PHC3: variants seen among roughly 807,000 people sequenced by gnomAD.
The protein encoded by PHC3 is polyhomeotic homolog 3, also known as polyhomeotic-like protein 3.
Under a neutral mutation model 107.4 loss-of-function variants are expected in PHC3, and 13 were observed. That is an observed-to-expected ratio of 0.12 (90% CI 0.08 to 0.19). The LOEUF (loss-of-function observed/expected upper bound fraction) is 0.19, where lower values mean the gene tolerates loss of function less well. Ranked by LOEUF, PHC3 falls within the 10% of genes least tolerant of loss-of-function variation. The probability of loss-of-function intolerance (pLI) is 1.00; values close to 1 mark genes in which losing one functional copy is unlikely to be tolerated. For synonymous variants in PHC3, 456 were observed against 427.4 expected, an observed-to-expected ratio of 1.07 and a Z score of -0.83; for missense variants, 992 against 1,210.9, an observed-to-expected ratio of 0.82 and a Z score of 2.68.
intron 1 of PHC3, among the ~76,000 whole-genome samples, chr3:170,179,860 T>A (rs1295084403): frequency 1.3e-5 from 2 of 152,226 alleles, no homozygotes; most frequent in African/African-American, 4.8e-5. Context: ...GCCAGAAATG[T>A]ACCTCGAAGG....
intron 8 of PHC3, 91 bp downstream of exon 8, chr3:170,128,593 G>A: frequency 7.0e-7 from 1 of 1,422,756 alleles, no homozygotes; most frequent in Admixed American, 2.7e-5. Flanking sequence ...TAGTTCACAG[G>A]CATTTAGATC....
intron 4 of PHC3, 144 bp downstream of exon 4, chr3:170,171,229 T>G: frequency 1.6e-6 from 1 of 616,914 alleles, no homozygotes; most frequent in South Asian, 2.3e-5. Flanking sequence ...TTCTTGAATT[T>G]TATCATTTCT....
chr3:170,116,983 T>C (rs541249290), intron 10 of PHC3: 12 of 486,750 alleles, frequency 2.5e-5, no homozygotes, highest in African/African-American at 2.1e-4. Context: ...CTCTAAAAAT[T>C]ATAAAAATAT....
At chr3:170,146,086 A>C (rs1337282163) in intron 5 of PHC3, among the ~76,000 whole-genome samples, 1 of 152,222 alleles carries the variant, frequency 6.6e-6, no homozygotes, top group Non-Finnish European at 1.5e-5. Flanking sequence ...AGAAATATTC[A>C]TTCTATGGCC....
chr3:170,169,549 T>A (rs1243928087), intron 4 of PHC3, among the ~76,000 whole-genome samples: 1 of 152,222 alleles, frequency 6.6e-6, no homozygotes, highest in East Asian at 1.9e-4. Context: ...TGGGAATCTG[T>A]TCTTCCTACT....
rs150242411 is a variant in PHC3 at position 170,117,479 on chromosome 3, G to GA, written c.1943-4dup. The stretch of plus-strand genomic sequence containing the variant: ...CACAGCAGGTAATTCCACTTGCTCT[G>GA]AAAAAAAAACCAAAAAGTCATTTAA... On this transcript the variant is annotated splice_polypyrimidine_tract_variant and splice_region_variant and intron_variant, in intron 9 of 14. Coordinates refer to ENST00000495893, the MANE Select transcript of PHC3 (RefSeq NM_024947.4). 18,254 of 1,545,552 alleles carry GA rather than the reference G, an allele frequency of 0.012. 331 individuals are homozygous for GA. The East Asian group carries it at 0.12, about 10-fold the overall frequency.
chr3:170,143,613 T>G (rs1050223209), intron 6 of PHC3, among the ~76,000 whole-genome samples: 1 of 152,220 alleles, frequency 6.6e-6, no homozygotes, highest in Non-Finnish European at 1.5e-5. Context: ...TTATGAAGAA[T>G]ACCAGAATAC....
At chr3:170,126,525 TA>T (rs1463230103) in intron 8 of PHC3, among the ~76,000 whole-genome samples, 7,429 of 77,324 alleles carry the variant, frequency 0.096, 243 homozygotes, top group African/African-American at 0.15. Context: ...TATATATATA[TA>T]TATTTTTTTT....
chr3:170,098,610 A>C (rs1714965270), intron 14 of PHC3, among the ~76,000 whole-genome samples: 1 of 151,984 alleles, frequency 6.6e-6, no homozygotes, highest in African/African-American at 2.4e-5. Flanking sequence ...GTGAATACAC[A>C]ATAAACAAAA....
chr3:170,122,563 A>G (rs1411442356), intron 9 of PHC3, 28 bp downstream of exon 9: 1 of 1,609,182 alleles, frequency 6.2e-7, no homozygotes, highest in East Asian at 2.2e-5. Flanking sequence ...AAATAGAAAA[A>G]TTCCCACAAA....
rs1160594916 is a variant in PHC3, at chr3:170,136,554, T to C, written c.784A>G (p.Thr262Ala). 3.1e-6 allele frequency: 5 copies of C among 1,613,436 alleles called. No individual in the cohort carries two copies. The South Asian group carries it at 5.5e-5, about 18-fold the overall frequency. Residue 262 changes from threonine (T) to alanine (A), a missense_variant, in exon 7 of 15, where the codon ACA becomes GCA. By Grantham distance (58) the Thr-to-Ala change is moderately conservative. Coordinates refer to ENST00000495893, the MANE Select transcript of PHC3 (RefSeq NM_024947.4). The stretch of plus-strand genomic sequence containing the variant: ...CTGATTTTAGAACTGGTCACTGTTG[T>C]TTTGTTATGACAAATTGTCAATGAC... The part of the protein sequence containing the change: ...TQSLTICHNK[T>A]TVTSSKISQR...
At chr3:170,098,800 C>T (rs905562031) in intron 14 of PHC3, among the ~76,000 whole-genome samples, 4 of 152,092 alleles carry the variant, frequency 2.6e-5, no homozygotes, top group African/African-American at 9.7e-5. Context: ...ATTTCTCAGA[C>T]TTTGAAAAAT....
intron 8 of PHC3, chr3:170,128,448 A>G: frequency 8.0e-7 from 1 of 1,244,756 alleles, no homozygotes; most frequent in Non-Finnish European, 1.1e-6. Flanking sequence ...ATAGTAATAA[A>G]ATTAACGAGG....
chr3:170,149,601 T>C (rs1028920582), intron 4 of PHC3, among the ~76,000 whole-genome samples: 4 of 152,194 alleles, frequency 2.6e-5, no homozygotes, highest in East Asian at 1.9e-4. Context: ...ATTACAGGCA[T>C]ACGCCACCAC....
At chr3:170,108,596 A>C (rs139743294) in intron 11 of PHC3, among the ~76,000 whole-genome samples, 2 of 152,280 alleles carry the variant, frequency 1.3e-5, no homozygotes, top group Non-Finnish European at 2.9e-5. Context: ...CCTTCCAATG[A>C]CCTTCCAACG....
chr3:170,112,439 G>T (rs189647646), intron 11 of PHC3, among the ~76,000 whole-genome samples: 1,813 of 150,710 alleles, frequency 0.012, 39 homozygotes, highest in African/African-American at 0.042. Flanking sequence ...TGGCCAGGAT[G>T]GTCTTGATCT....
intron 5 of PHC3, 130 bp from the exon 6 acceptor site, chr3:170,145,651 A>G: frequency 1.9e-6 from 1 of 512,884 alleles, no homozygotes; most frequent in East Asian, 3.1e-5. Flanking sequence ...CTCCTCAGCA[A>G]AAGGTTCTAC....
rs777912781 is a variant in PHC3, at chr3:170,113,513, G to C, written c.2200C>G (p.Arg734Gly). The C allele has an allele frequency of 1.3e-6, 2 of 1,590,936 alleles. No individual in the cohort carries two copies. The highest frequency in any genetic ancestry group is 1.7e-6 in the Non-Finnish European group (2 of 1,172,408). The change falls in exon 11 of 15, where the codon CGT (arginine) becomes GGT (glycine). Residue 734 changes from arginine (R) to glycine (G), a missense_variant. Around this residue, in one of 6 missense-constraint regions of PHC3, gnomAD observed 228 missense variants for 288.8 expected, o/e 0.79. Transcript: ENST00000495893. ...QEGLEPFPVS[R>G]SSLLIEQPVK... is the part of the protein sequence containing the mutation. ...GGCTGTTCTATTAGCAAAGAGGAAC[G>C]ACTCACCTTTAAAAAAGGAGAAATA...
chr3:170,127,821 A>C (rs1288047411), intron 8 of PHC3, among the ~76,000 whole-genome samples: 1 of 152,152 alleles, frequency 6.6e-6, no homozygotes, highest in African/African-American at 2.4e-5. Flanking sequence ...CAGTTTTATA[A>C]ATCTTAAAAT....
Sources: allele counts gnomAD v4.1 joint callset (sites outside exome capture counted in the v4.1 genomes callset), GRCh38; gene constraint gnomAD v4.1.1; regional missense constraint gnomAD v4.1.1; transcripts MANE v1.5; gene names NCBI Gene and HGNC (gene_info 2026-07-23, HGNC 2026-07-21).